Variants in ADGRL3 observed in about 807,000 individuals in gnomAD.
ADGRL3 encodes the protein adhesion G protein-coupled receptor L3, also known as calcium-independent alpha-latrotoxin receptor 3.
ADGRL3 carries 62 observed loss-of-function variants against 153.5 expected under a neutral mutation model. The ratio of observed to expected loss-of-function variants is 0.40; its 90% CI spans 0.33 to 0.50. ADGRL3 has a LOEUF of 0.50. Ranked by LOEUF, ADGRL3 falls within the 20% of genes least tolerant of loss-of-function variation. The pLI is 0.47. For missense variants in ADGRL3, 1,641 were observed against 1,859.4 expected (o/e 0.88, Z 2.16); for synonymous variants, 710 against 672.5 (o/e 1.06, Z -0.86).
chr4:61,220,236 TA>T (rs1744846195), intron 1 of ADGRL3, among the ~76,000 whole-genome samples: 1 of 152,058 alleles, frequency 6.6e-6, no homozygotes, highest in Non-Finnish European at 1.5e-5. Flanking sequence ...TTTTCGAAGG[TA>T]GGGGCTTAGT....
chr4:61,605,084 T>G (rs1482666641), intron 5 of ADGRL3, among the ~76,000 whole-genome samples: 5 of 82,106 alleles, frequency 6.1e-5, no homozygotes, highest in Non-Finnish European at 1.1e-4. Flanking sequence ...AGTGAGACTC[T>G]GTCTCAAAAA....
At chr4:61,235,817 G>A (rs1752562732) in intron 1 of ADGRL3, among the ~76,000 whole-genome samples, 1 of 152,028 alleles carries the variant, frequency 6.6e-6, no homozygotes, top group Admixed American at 6.6e-5. Flanking sequence ...CAGCTTTTAG[G>A]AAGAGAATGG....
At chr4:61,429,327 T>C (rs2097326972) in intron 2 of ADGRL3, among the ~76,000 whole-genome samples, 1 of 152,186 alleles carries the variant, frequency 6.6e-6, no homozygotes, top group South Asian at 2.1e-4. Flanking sequence ...CCATGTTGCC[T>C]ACCTAGAAAA....
At chr4:61,377,259 T>A (rs1297475376) in intron 1 of ADGRL3, among the ~76,000 whole-genome samples, 1 of 152,070 alleles carries the variant, frequency 6.6e-6, no homozygotes. Flanking sequence ...AAACTGATAG[T>A]CACCACAATA....
intron 2 of ADGRL3, among the ~76,000 whole-genome samples, chr4:61,450,163 T>G (rs1241603578): frequency 6.6e-6 from 1 of 152,198 alleles, no homozygotes; most frequent in Non-Finnish European, 1.5e-5. Flanking sequence ...TTTATGATTT[T>G]AATAGGCTAT....
chr4:61,809,139 A>G (rs1013285919), intron 8 of ADGRL3, among the ~76,000 whole-genome samples: 17 of 152,148 alleles, frequency 1.1e-4, no homozygotes, highest in Admixed American at 1.0e-3. Context: ...GAGGACCATC[A>G]GCTATTAAAC....
chr4:61,472,395 G>T (rs2097969704), intron 2 of ADGRL3, among the ~76,000 whole-genome samples: 1 of 152,086 alleles, frequency 6.6e-6, no homozygotes, highest in African/African-American at 2.4e-5. Context: ...GGCCAGGGCG[G>T]CAGTCTCATC....
chr4:62,042,855 A>G (rs571368598), intron 24 of ADGRL3, among the ~76,000 whole-genome samples: 30 of 152,202 alleles, frequency 2.0e-4, no homozygotes, highest in Non-Finnish European at 3.7e-4. Context: ...AAGTATTAGT[A>G]TACTGAGAAT....
intron 19 of ADGRL3, among the ~76,000 whole-genome samples, chr4:61,993,716 G>C (rs1210456456): frequency 6.7e-6 from 1 of 149,986 alleles, no homozygotes; most frequent in East Asian, 2.0e-4. Flanking sequence ...CCTCTCTGTC[G>C]CTCTTTTTCA....
intron 19 of ADGRL3, among the ~76,000 whole-genome samples, chr4:61,993,597 A>C (rs1055857800): frequency 1.3e-5 from 2 of 151,366 alleles, no homozygotes; most frequent in Non-Finnish European, 1.5e-5. Flanking sequence ...AGCCTCCTTC[A>C]TTGTTTCTAC....
chr4:61,991,335 C>T (rs542857708), intron 19 of ADGRL3, among the ~76,000 whole-genome samples: 1 of 151,982 alleles, frequency 6.6e-6, no homozygotes, highest in African/African-American at 2.4e-5. Flanking sequence ...TTCTTGTACA[C>T]AATTCTTATG....
chr4:61,693,843 A>G (rs1206041808), intron 6 of ADGRL3, among the ~76,000 whole-genome samples: 4 of 152,178 alleles, frequency 2.6e-5, no homozygotes, highest in African/African-American at 4.8e-5. Context: ...GATATGAAAC[A>G]GATATACTTT....
intron 4 of ADGRL3, among the ~76,000 whole-genome samples, chr4:61,561,899 T>TA (rs932974454): frequency 1.3e-5 from 2 of 151,992 alleles, no homozygotes; most frequent in African/African-American, 4.8e-5. Flanking sequence ...CTCAGCCTCC[T>TA]AAGTACCTGG....
rs752765516 is a variant in ADGRL3, at chr4:61,923,378, T to C, written c.2112+10621T>C. Among the ~76,000 whole-genome samples the C allele has an allele frequency of 9.4e-4, 139 of 147,604 alleles. 1 individual carries two copies. Among genetic ancestry groups the C allele is most frequent in the Non-Finnish European group, 1.7e-3 (119 of 68,014 alleles). ...TCCACCTACTGTCTGAGTAATGTTTTAAAAATGCAAATCTGATCCTGACTT... is the reference window on the plus strand; with the variant it reads ...TCCACCTACTGTCTGAGTAATGTTTCAAAAATGCAAATCTGATCCTGACTT... On this transcript the variant is annotated intron_variant, in intron 13 of 26. Transcript: ENST00000683033.
At chr4:61,515,322 T>G (rs183295163) in intron 3 of ADGRL3, among the ~76,000 whole-genome samples, 27 of 152,300 alleles carry the variant, frequency 1.8e-4, no homozygotes, top group Admixed American at 1.4e-3. Context: ...TAAATCTCAC[T>G]GAAATCCCAA....
rs928280909 is a variant in ADGRL3, at chr4:61,612,787, A to G, written c.473+25347A>G. Among the ~76,000 whole-genome samples the G allele has an allele frequency of 4.6e-5, 7 of 152,146 alleles. No individual in the cohort carries two copies. The South Asian group carries it at 1.2e-3, about 27-fold the overall frequency. ...TGAACACCCTTAATTACTTATTACT[A>G]TATATGGGATGTCTGAAGTGCTGAG... On this transcript the variant is annotated intron_variant, in intron 5 of 26. Coordinates refer to ENST00000683033, the MANE Select transcript of ADGRL3 (RefSeq NM_001387552.1).
chr4:61,703,709 G>A (rs540685408), intron 6 of ADGRL3, among the ~76,000 whole-genome samples: 1 of 152,074 alleles, frequency 6.6e-6, no homozygotes, highest in Non-Finnish European at 1.5e-5. Flanking sequence ...AGTGACAGAG[G>A]GGGGCAGATG....
rs1187248140 is a variant in ADGRL3, at chr4:61,814,226, AT to A, written c.1480+350del. On this transcript the variant is annotated intron_variant, in intron 9 of 26. Transcript: ENST00000683033. The stretch of plus-strand genomic sequence containing the variant: ...TGGGACCTTCTTTTTCTACTATCTT[AT>A]TTTTTTTTTTTTACATTAAGATGTC... Among the ~76,000 whole-genome samples the A allele has an allele frequency of 4.9e-3, 701 of 142,834 alleles. 1 individual carries two copies. Among genetic ancestry groups the A allele is most frequent in the African/African-American group, 8.1e-3 (319 of 39,270 alleles). The allele number at this position is 142,834 out of a possible 152,430, so 93.7% of individuals were successfully genotyped here.
intron 2 of ADGRL3, among the ~76,000 whole-genome samples, chr4:61,487,840 T>A (rs1247270522): frequency 5.3e-5 from 8 of 152,040 alleles, no homozygotes; most frequent in Non-Finnish European, 1.0e-4. Flanking sequence ...GAGGTTCATT[T>A]TTTAGTTTTA....
Sources: gnomAD v4.1 joint callset for allele counts (sites outside exome capture counted in the v4.1 genomes callset) on GRCh38, gnomAD v4.1.1 for gene constraint, MANE v1.5 for transcripts, NCBI Gene and HGNC (gene_info 2026-07-23, HGNC 2026-07-21) for gene names.